Variants in CNBD1 observed in about 807,000 individuals in gnomAD.
The protein encoded by CNBD1 is cyclic nucleotide binding domain containing 1.
Under a neutral mutation model 54.4 loss-of-function variants are expected in CNBD1, and 71 were observed. The observed-to-expected ratio is 1.30, with a 90% CI of 1.08 to 1.59. CNBD1 has a LOEUF of 1.59. Ranked by LOEUF, CNBD1 falls within the 40% of genes most tolerant of loss-of-function variation. CNBD1 has a pLI of 0.00. For missense variants in CNBD1, 659 were observed against 518.0 expected (o/e 1.27, Z -2.64); for synonymous variants, 182 against 170.7 (o/e 1.07, Z -0.51).
intron 3 of CNBD1, among the ~76,000 whole-genome samples, chr8:86,936,505 C>G (rs561337430): frequency 6.6e-6 from 1 of 152,160 alleles, no homozygotes; most frequent in East Asian, 1.9e-4. Flanking sequence ...CTTTGAGAGG[C>G]AGAGGTGGGT....
chr8:86,987,364 C>T (rs1369598482), intron 4 of CNBD1, among the ~76,000 whole-genome samples: 1 of 152,096 alleles, frequency 6.6e-6, no homozygotes. Context: ...ATTTTGTATC[C>T]TGAGACTACT....
At chr8:87,112,607 G>T (rs1563473315) in intron 4 of CNBD1, among the ~76,000 whole-genome samples, 1 of 152,094 alleles carries the variant, frequency 6.6e-6, no homozygotes. Flanking sequence ...CACTAATTTT[G>T]CAGTTCCTAT....
intron 4 of CNBD1, among the ~76,000 whole-genome samples, chr8:87,074,746 G>C (rs1197126370): frequency 1.3e-5 from 2 of 152,076 alleles, no homozygotes; most frequent in East Asian, 3.9e-4. Flanking sequence ...CATTCTCCGT[G>C]GGTCAGCTTG....
In CNBD1 at chr8:87,274,892, T is replaced by C. The variant is rs1255471049; in HGVS notation, c.772-9786T>C. On this transcript the variant is annotated intron_variant, in intron 6 of 10. Coordinates refer to ENST00000518476, the MANE Select transcript of CNBD1 (RefSeq NM_173538.3). ...TTTTAGCCTAGGTTTTCTTCTAGGG[T>C]TTTTATGGTTTTAGGTGTAACGTTT... Among the ~76,000 whole-genome samples, 22 of 134,488 alleles carry C rather than the reference T, an allele frequency of 1.6e-4. 7 individuals are homozygous for C. Among genetic ancestry groups the C allele is most frequent in the Non-Finnish European group, 1.6e-5 (1 of 62,756 alleles). 88.2% of individuals were successfully genotyped at this position (134,488 alleles called of 152,430 possible).
intron 4 of CNBD1, among the ~76,000 whole-genome samples, chr8:87,154,822 G>A (rs1487441277): frequency 6.6e-6 from 1 of 152,172 alleles, no homozygotes; most frequent in Non-Finnish European, 1.5e-5. Context: ...CTGCCAGGCA[G>A]ATCGTTAGTG....
intron 6 of CNBD1, among the ~76,000 whole-genome samples, chr8:87,278,429 C>T (rs1444267773): frequency 1.3e-5 from 2 of 151,044 alleles, no homozygotes; most frequent in African/African-American, 4.8e-5. Flanking sequence ...TCAAAGTAGA[C>T]AAAAAAGAAA....
chr8:87,234,124 T>G (rs2130823475), intron 5 of CNBD1, among the ~76,000 whole-genome samples: 1 of 152,312 alleles, frequency 6.6e-6, no homozygotes, highest in South Asian at 2.1e-4. Context: ...GCTCTACTTT[T>G]AATTCTAGTT....
At chr8:87,147,162 A>T (rs1306325821) in intron 4 of CNBD1, among the ~76,000 whole-genome samples, 4 of 152,158 alleles carry the variant, frequency 2.6e-5, no homozygotes, top group Admixed American at 2.6e-4. Flanking sequence ...TTTTCTGACT[A>T]CTAGAGTTAC....
intron 4 of CNBD1, among the ~76,000 whole-genome samples, chr8:87,162,389 AT>A (rs1812876142): frequency 6.6e-6 from 1 of 152,118 alleles, no homozygotes; most frequent in Admixed American, 6.6e-5. Context: ...TGCTCTCACC[AT>A]TTTAAATATT....
At chr8:87,330,811 T>C (rs1809809935) in intron 8 of CNBD1, among the ~76,000 whole-genome samples, 1 of 152,144 alleles carries the variant, frequency 6.6e-6, no homozygotes, top group South Asian at 2.1e-4. Flanking sequence ...ATTGATGATG[T>C]TGTTGAGTTA....
intron 2 of CNBD1, among the ~76,000 whole-genome samples, chr8:87,389,732 A>C (rs951986416): frequency 1.3e-5 from 2 of 152,196 alleles, no homozygotes; most frequent in African/African-American, 4.8e-5. Context: ...GACTTTCTTC[A>C]CAGAAATGGA....
At chr8:87,410,918 T>A (rs1471057639) in intron 2 of CNBD1, among the ~76,000 whole-genome samples, 2 of 151,958 alleles carry the variant, frequency 1.3e-5, no homozygotes, top group East Asian at 1.9e-4. Context: ...AAAGCTCGGA[T>A]GATTGTTAGC....
At position 87,052,321 on chromosome 8, in the gene CNBD1, A is replaced by G. The variant is rs189787816; in HGVS notation, c.431+112567A>G. Among the ~76,000 whole-genome samples the G allele has an allele frequency of 8.9e-3, 1,355 of 152,260 alleles. 15 individuals carry two copies. The highest frequency in any genetic ancestry group is 0.031 in the Middle Eastern group (9 of 292). On this transcript the variant is annotated intron_variant, in intron 4 of 10. Transcript: ENST00000518476. The stretch of plus-strand genomic sequence containing the variant: ...CTGATTAGTAAACTTGTTTTTTAAT[A>G]TTAACTGCCCCTCAATTGAATCAGG...
intron 3 of CNBD1, among the ~76,000 whole-genome samples, chr8:86,914,597 A>G (rs944977633): frequency 6.6e-6 from 1 of 152,224 alleles, no homozygotes; most frequent in Non-Finnish European, 1.5e-5. Context: ...ATTAATCAAA[A>G]TGAAAGTTGG....
At chr8:87,122,803 A>G (rs1199409304) in intron 4 of CNBD1, among the ~76,000 whole-genome samples, 1 of 151,854 alleles carries the variant, frequency 6.6e-6, no homozygotes, top group African/African-American at 2.4e-5. Context: ...CAAGAGCATA[A>G]TCTGAAGACA....
At chr8:87,139,611 G>A (rs1812331551) in intron 4 of CNBD1, among the ~76,000 whole-genome samples, 1 of 152,282 alleles carries the variant, frequency 6.6e-6, no homozygotes, top group Non-Finnish European at 1.5e-5. Context: ...CAGGGAGCAG[G>A]TGAGGTTTTT....
At chr8:86,867,566 C>T (rs886664632) in intron 1 of CNBD1, among the ~76,000 whole-genome samples, 4 of 151,870 alleles carry the variant, frequency 2.6e-5, no homozygotes, top group African/African-American at 9.7e-5. Flanking sequence ...TAGACAAAAT[C>T]CTTATGTTAA....
chr8:87,229,992 C>T (rs1317047424), intron 5 of CNBD1, among the ~76,000 whole-genome samples: 2 of 152,082 alleles, frequency 1.3e-5, no homozygotes, highest in Non-Finnish European at 2.9e-5. Context: ...CCTCATGGTA[C>T]CACAGTCTGT....
intron 10 of CNBD1, among the ~76,000 whole-genome samples, chr8:87,365,121 G>T (rs1810616951): frequency 6.6e-6 from 1 of 152,028 alleles, no homozygotes; most frequent in African/African-American, 2.4e-5. Context: ...CAGTGTATAA[G>T]TGTCCCCTTT....
Sources: allele counts gnomAD v4.1 joint callset (sites outside exome capture counted in the v4.1 genomes callset), GRCh38; gene constraint gnomAD v4.1.1; transcripts MANE v1.5; gene names NCBI Gene and HGNC (gene_info 2026-07-23, HGNC 2026-07-21).